The following IFT80 variants were observed in gnomAD, a reference collection of about 807,000 sequenced individuals.
IFT80 encodes the protein intraflagellar transport 80, also known as intraflagellar transport protein 80 homolog.
In IFT80, 79 loss-of-function variants were observed where a neutral mutation model predicts 107.9. The observed-to-expected ratio is 0.73, with a 90% CI of 0.61 to 0.88. The LOEUF is 0.88. Ranked by LOEUF, IFT80 falls within the 40% of genes least tolerant of loss-of-function variation. IFT80 has a pLI of 0.00. For missense variants in IFT80, 797 were observed against 914.2 expected (o/e 0.87, Z 1.65); for synonymous variants, 299 against 300.9 (o/e 0.99, Z 0.07).
intron 8 of IFT80, chr3:160,342,541 T>C (rs1426605313): frequency 6.6e-6 from 1 of 152,166 alleles, no homozygotes; most frequent in Non-Finnish European, 1.5e-5. Flanking sequence ...AAGTATCTCT[T>C]CAATGCCAAC....
chr3:160,368,810 T>C (rs1198004646), intron 5 of IFT80, among the ~76,000 whole-genome samples: 1 of 152,002 alleles, frequency 6.6e-6, no homozygotes, highest in Non-Finnish European at 1.5e-5. Context: ...TTTTAATTTA[T>C]AGCCTATCAA....
intron 1 of IFT80, among the ~76,000 whole-genome samples, chr3:160,387,474 A>C (rs1308618849): frequency 1.3e-5 from 2 of 152,238 alleles, no homozygotes; most frequent in Admixed American, 6.5e-5. Context: ...ACTGCACTCC[A>C]GCCTGGGCGT....
chr3:160,308,570 TA>T (rs1478913765), intron 9 of IFT80, among the ~76,000 whole-genome samples: 1 of 152,046 alleles, frequency 6.6e-6, no homozygotes, highest in Non-Finnish European at 1.5e-5. Context: ...AGGAAAAATA[TA>T]GGGGAAAAAA....
chr3:160,362,700 G>A (rs139492204), intron 6 of IFT80, among the ~76,000 whole-genome samples: 59 of 152,154 alleles, frequency 3.9e-4, no homozygotes, highest in South Asian at 1.7e-3. Context: ...TCCCTGGGAT[G>A]CAAGGGATTC....
At chr3:160,296,974 G>A (rs1472028100) in intron 12 of IFT80, among the ~76,000 whole-genome samples, 1 of 152,042 alleles carries the variant, frequency 6.6e-6, no homozygotes, top group East Asian at 1.9e-4. Flanking sequence ...TTTGTTCTTT[G>A]CTGCCTTTTT....
chr3:160,258,735 CCAAAAGATTAGAGAAAAAGAGAGCAT>C (rs1200253371), intron 19 of IFT80, 100 bp from the exon 20 acceptor site: 36 of 1,382,538 alleles, frequency 2.6e-5, no homozygotes, highest in African/African-American at 1.0e-4. Context: ...TGTGTGACTT[CCAAAAGATTAGAGAAAAAGAGAGCAT>C]CAAAAGATTA....
chr3:160,317,457 G>C lies in IFT80; in HGVS notation c.957+2303C>G, dbSNP rs570961883. On this transcript the variant is annotated intron_variant, in intron 9 of 19. Coordinates refer to ENST00000326448, the MANE Select transcript of IFT80 (RefSeq NM_020800.3). ...AGGATAATTCCTTCTTATTATGAAA[G>C]AAGAACTCCTCTTTCTAGATATGGT... is the stretch of plus-strand genomic sequence containing the variant. Among the ~76,000 whole-genome samples the C allele has an allele frequency of 1.2e-4, 18 of 152,092 alleles. No individual in the cohort carries two copies. In the South Asian group the frequency reaches 3.5e-3, roughly 30 times the overall value.
At chr3:160,335,147 CTT>C (rs754322594) in intron 8 of IFT80, among the ~76,000 whole-genome samples, 2 of 143,400 alleles carry the variant, frequency 1.4e-5, no homozygotes, top group Non-Finnish European at 1.5e-5. Flanking sequence ...AAAAAATCCT[CTT>C]TTTTTTTTTT....
At chr3:160,280,311 A>T (rs1194776040) in intron 15 of IFT80, among the ~76,000 whole-genome samples, 1 of 152,226 alleles carries the variant, frequency 6.6e-6, no homozygotes, top group Non-Finnish European at 1.5e-5. Flanking sequence ...CGTCAATGAT[A>T]ATCTGTGACA....
intron 8 of IFT80, among the ~76,000 whole-genome samples, chr3:160,347,411 G>A (rs2108346167): frequency 6.6e-6 from 1 of 152,160 alleles, no homozygotes; most frequent in East Asian, 1.9e-4. Context: ...AATTTCTAGG[G>A]CTGCCTATTC....
At chr3:160,350,970 T>A (rs1720654320) in intron 8 of IFT80, among the ~76,000 whole-genome samples, 2 of 152,060 alleles carry the variant, frequency 1.3e-5, no homozygotes, top group South Asian at 4.1e-4. Context: ...CTAAATAAAA[T>A]AAAGGATAAA....
chr3:160,341,965 G>C (rs2108335808), intron 8 of IFT80, among the ~76,000 whole-genome samples: 1 of 152,264 alleles, frequency 6.6e-6, no homozygotes, highest in South Asian at 2.1e-4. Flanking sequence ...GAGTAAGTTT[G>C]AAGTCATAAG....
chr3:160,309,637 A>T (rs1161542885), intron 9 of IFT80, among the ~76,000 whole-genome samples: 1 of 152,228 alleles, frequency 6.6e-6, no homozygotes, highest in East Asian at 1.9e-4. Flanking sequence ...CAGTGAGCTG[A>T]GATTGTGCCA....
At chr3:160,289,357 G>C (rs1035762621) in intron 12 of IFT80, among the ~76,000 whole-genome samples, 6 of 152,158 alleles carry the variant, frequency 3.9e-5, no homozygotes, top group African/African-American at 1.4e-4. Flanking sequence ...TGGGTACTAG[G>C]CTTAGTAACT....
At chr3:160,373,235 C>T (rs1239196116) in intron 5 of IFT80, among the ~76,000 whole-genome samples, 1 of 152,140 alleles carries the variant, frequency 6.6e-6, no homozygotes, top group African/African-American at 2.4e-5. Context: ...AATATTGGGT[C>T]TCCACCATGC....
intron 4 of IFT80, among the ~76,000 whole-genome samples, chr3:160,377,110 AACAG>A (rs1712086310): frequency 6.6e-6 from 1 of 152,240 alleles, no homozygotes; most frequent in African/African-American, 2.4e-5. Flanking sequence ...GGGGATTGGA[AACAG>A]ACAGAATGGG....
At chr3:160,362,481 T>C (rs1170071861) in intron 6 of IFT80, among the ~76,000 whole-genome samples, 2 of 152,154 alleles carry the variant, frequency 1.3e-5, no homozygotes, top group African/African-American at 4.8e-5. Context: ...ATTATTCCAA[T>C]CAATAGAAAA....
At chr3:160,356,594 C>G (rs1006493553) in intron 7 of IFT80, among the ~76,000 whole-genome samples, 3 of 152,174 alleles carry the variant, frequency 2.0e-5, no homozygotes, top group African/African-American at 4.8e-5. Context: ...GATCATAGCT[C>G]ACTGCAGTCT....
At chr3:160,292,104 C>T (rs539483588) in intron 12 of IFT80, among the ~76,000 whole-genome samples, 2 of 152,164 alleles carry the variant, frequency 1.3e-5, no homozygotes, top group African/African-American at 2.4e-5. Context: ...GCCAGTAGCC[C>T]TGGATGGCTA....
Sources: gnomAD v4.1 joint callset for allele counts (sites outside exome capture counted in the v4.1 genomes callset) on GRCh38, gnomAD v4.1.1 for gene constraint, MANE v1.5 for transcripts, NCBI Gene and HGNC (gene_info 2026-07-23, HGNC 2026-07-21) for gene names.